Variants in RRP1B observed in about 807,000 individuals in gnomAD.
RRP1B encodes the protein ribosomal RNA processing protein 1 homolog B.
RRP1B carries 56 observed loss-of-function variants against 80.2 expected under a neutral mutation model. That is an observed-to-expected ratio of 0.70 (90% CI 0.56 to 0.87). RRP1B has a LOEUF of 0.87. Ranked by LOEUF, RRP1B falls within the 40% of genes least tolerant of loss-of-function variation. The pLI is 0.00. For synonymous variants in RRP1B, 351 were observed against 357.6 expected (o/e 0.98, Z 0.21); for missense variants, 807 against 939.8 (o/e 0.86, Z 1.85).
chr21:43,672,005 A>C (rs1487149742), intron 2 of RRP1B, among the ~76,000 whole-genome samples: 1 of 152,226 alleles, frequency 6.6e-6, no homozygotes, highest in South Asian at 2.1e-4. Flanking sequence ...TTATAAAGCC[A>C]GGAACTGATA....
chr21:43,692,132 C>T (rs1193656791), intron 15 of RRP1B, among the ~76,000 whole-genome samples: 3 of 152,170 alleles, frequency 2.0e-5, no homozygotes, highest in Non-Finnish European at 4.4e-5. Flanking sequence ...TACTGAAAGC[C>T]GTCCCATAGA....
chr21:43,693,420 A>G lies in RRP1B; in HGVS notation c.*37A>G. On this transcript the variant is annotated 3_prime_UTR_variant, in exon 16 of 16. Transcript: ENST00000340648. This position sits in a 1 kb window ranked among gnomAD's most constrained non-coding sequence, Gnocchi z 4.1. ...GTCCCTTGTAAAAGACTGCTTTTGT[A>G]CAGAATGCGCTATAAATTATACCTT... 2.0e-6 allele frequency: 3 copies of G among 1,481,226 alleles called. No individual in the cohort carries two copies. The South Asian group carries it at 3.9e-5, about 19-fold the overall frequency. The allele number at this position is 1,481,226 out of a possible 1,614,324, so 91.8% of individuals were successfully genotyped here. A position where few individuals can be genotyped will look rare whatever the true frequency, so the allele number is the denominator to read the frequency against.
rs569273990 is a variant in RRP1B, at chr21:43,668,677, C to T, written c.131-1207C>T. On this transcript the variant is annotated intron_variant, in intron 1 of 15. Coordinates refer to ENST00000340648, the MANE Select transcript of RRP1B (RefSeq NM_015056.3). ...AGCCACCGCGTCTGGCCCTTTTTGT[C>T]ACTTTTTAAGCATCTTTTGGAGTAT... Among the ~76,000 whole-genome samples, 10 of 152,208 alleles carry T rather than the reference C, an allele frequency of 6.6e-5. No individual in the cohort carries two copies. The South Asian group carries it at 1.9e-3, about 28-fold the overall frequency.
At position 43,674,681 on chromosome 21, in the gene RRP1B, A is replaced by C; in HGVS notation, c.403A>C (p.Asn135His). ...LRQSFEVLKRNGWEESRIKVF... is the reference protein window; with the variant it reads ...LRQSFEVLKRHGWEESRIKVF... ...GCAGTCCTTTGAAGTCTTGAAGCGAAATGGCTGGGAAGAAAGGTCAGTAAA... is the reference window on the plus strand; with the variant it reads ...GCAGTCCTTTGAAGTCTTGAAGCGACATGGCTGGGAAGAAAGGTCAGTAAA... The change falls in exon 5 of 16, where the codon AAT (asparagine) becomes CAT (histidine). Residue 135 changes from asparagine to histidine, a missense_variant. Coordinates refer to ENST00000340648, the MANE Select transcript of RRP1B (RefSeq NM_015056.3). 1.9e-6 allele frequency: 3 copies of C among 1,607,636 alleles called. No homozygotes were observed. Among genetic ancestry groups the C allele is most frequent in the Non-Finnish European group, 1.7e-6 (2 of 1,178,576 alleles).
At position 43,693,091 on chromosome 21, in the gene RRP1B, A is replaced by G; in HGVS notation, c.2084-99A>G. 8.0e-7 allele frequency: 1 copy of G among 1,249,950 alleles called. No homozygotes were observed. Among genetic ancestry groups the G allele is most frequent in the South Asian group, 1.3e-5 (1 of 77,880 alleles). The allele number at this position is 1,249,950 out of a possible 1,614,324, so 77.4% of individuals were successfully genotyped here. A position where few individuals can be genotyped will look rare whatever the true frequency, so the allele number is the denominator to read the frequency against. ...GAGATGGCCCTGCTTCGTCCTAGCA[A>G]GTGGGTGGGGTCGGCACCCAGGCAG... On this transcript the variant is annotated intron_variant, in intron 15 of 15. Coordinates refer to ENST00000340648, the MANE Select transcript of RRP1B (RefSeq NM_015056.3). The surrounding 1 kb of genome is among the most constrained non-coding windows in gnomAD (Gnocchi z 4.1).
At chr21:43,666,500 T>C (rs116390056) in intron 1 of RRP1B, among the ~76,000 whole-genome samples, 2,450 of 152,276 alleles carry the variant, frequency 0.016, 60 homozygotes, top group African/African-American at 0.054. Context: ...GGGGGGATCA[T>C]GTGGTCAAGA....
chr21:43,688,560 G>A (rs746061485), intron 13 of RRP1B, among the ~76,000 whole-genome samples: 1 of 152,228 alleles, frequency 6.6e-6, no homozygotes, highest in Non-Finnish European at 1.5e-5. Flanking sequence ...CTAGGCCTCT[G>A]TCAAAGGCAG....
chr21:43,683,204 A>C lies in RRP1B; in HGVS notation c.797-75A>C, dbSNP rs911267004. On this transcript the variant is annotated intron_variant, in intron 8 of 15. Coordinates refer to ENST00000340648, the MANE Select transcript of RRP1B (RefSeq NM_015056.3). Reference sequence around the variant, plus strand: ...TTTGCTAAGAGACACCTAATTAGACAGTGGCTCCTGTGGAAGTAGTCACTT... The same window carrying C: ...TTTGCTAAGAGACACCTAATTAGACCGTGGCTCCTGTGGAAGTAGTCACTT... 3 of 1,211,692 alleles carry C rather than the reference A, an allele frequency of 2.5e-6. No homozygotes were observed. In the African/African-American group the frequency reaches 4.5e-5, roughly 18 times the overall value. The allele number at this position is 1,211,692 out of a possible 1,614,324, so 75.1% of individuals were successfully genotyped here.
intron 8 of RRP1B, among the ~76,000 whole-genome samples, chr21:43,680,653 T>C (rs2083039766): frequency 6.6e-6 from 1 of 151,884 alleles, no homozygotes; most frequent in Non-Finnish European, 1.5e-5. Flanking sequence ...CTCAACCTCT[T>C]GGGCTCAAGT....
intron 1 of RRP1B, among the ~76,000 whole-genome samples, chr21:43,662,554 C>T (rs2082961843): frequency 6.6e-6 from 1 of 152,254 alleles, no homozygotes; most frequent in Non-Finnish European, 1.5e-5. Flanking sequence ...TGAGCTATCA[C>T]TCTTCCTGAA....
At chr21:43,680,288 G>A (rs535040135) in intron 8 of RRP1B, among the ~76,000 whole-genome samples, 4 of 152,258 alleles carry the variant, frequency 2.6e-5, no homozygotes, top group Middle Eastern at 3.4e-3. Flanking sequence ...GGCCGGGCGC[G>A]GTGGCCCAGG....
At chr21:43,687,175 G>C (rs2083066555) in intron 12 of RRP1B, among the ~76,000 whole-genome samples, 1 of 152,240 alleles carries the variant, frequency 6.6e-6, no homozygotes, top group East Asian at 1.9e-4. Flanking sequence ...CTGCAGGGAA[G>C]CAGGAGCTGC....
intron 1 of RRP1B, among the ~76,000 whole-genome samples, chr21:43,665,772 C>G (rs752158879): frequency 4.6e-5 from 7 of 152,260 alleles, no homozygotes; most frequent in Non-Finnish European, 8.8e-5. Context: ...ACTCCCCTTC[C>G]CCTCCAGCCA....
intron 8 of RRP1B, among the ~76,000 whole-genome samples, chr21:43,680,735 G>C (rs974411377): frequency 1.3e-5 from 2 of 151,990 alleles, no homozygotes; most frequent in Admixed American, 1.3e-4. Flanking sequence ...GTAGAGACAG[G>C]GGTCTCACTA....
At chr21:43,686,709 A>C in intron 11 of RRP1B, 95 bp from the exon 12 acceptor site, 1 of 1,421,530 alleles carries the variant, frequency 7.0e-7, no homozygotes, top group South Asian at 1.2e-5. Context: ...AACGATGATG[A>C]TGAGGCAGAA....
At chr21:43,662,532 A>G (rs1408445920) in intron 1 of RRP1B, among the ~76,000 whole-genome samples, 1 of 152,270 alleles carries the variant, frequency 6.6e-6, no homozygotes, top group Non-Finnish European at 1.5e-5. Flanking sequence ...CTTAGGCATC[A>G]TAAAGGAAAT....
At chr21:43,687,155 C>T (rs1385331146) in intron 12 of RRP1B, among the ~76,000 whole-genome samples, 1 of 152,190 alleles carries the variant, frequency 6.6e-6, no homozygotes, top group African/African-American at 2.4e-5. Context: ...GCCTGCTCTC[C>T]AGGGCACCTC....
intron 1 of RRP1B, among the ~76,000 whole-genome samples, chr21:43,661,238 C>A (rs900009276): frequency 6.6e-6 from 1 of 152,186 alleles, no homozygotes; most frequent in African/African-American, 2.4e-5. Context: ...GGTTTCTAAA[C>A]CTAAATTGTT....
At chr21:43,680,575 AAGAG>A (rs1019123025) in intron 8 of RRP1B, among the ~76,000 whole-genome samples, 3 of 151,864 alleles carry the variant, frequency 2.0e-5, no homozygotes, top group Admixed American at 2.0e-4. Flanking sequence ...AAAAAAAAAA[AAGAG>A]AGACAGTGTC....
Sources: allele counts gnomAD v4.1 joint callset (sites outside exome capture counted in the v4.1 genomes callset), GRCh38; gene constraint gnomAD v4.1.1; non-coding constraint Gnocchi (gnomAD v3.1); transcripts MANE v1.5; gene names NCBI Gene and HGNC (gene_info 2026-07-23, HGNC 2026-07-21).